Variants in PAK1 observed in about 807,000 individuals in gnomAD.
PAK1 encodes the protein p21 (RAC1) activated kinase 1.
PAK1 carries 29 observed loss-of-function variants against 67.4 expected under a neutral mutation model. The ratio of observed to expected loss-of-function variants is 0.43; its 90% CI spans 0.32 to 0.59. PAK1 has a LOEUF of 0.59. Among genes scored for constraint, PAK1 ranks in the 20% least tolerant of loss-of-function variants. PAK1 has a pLI of 0.07. For missense variants in PAK1, 337 were observed against 670.7 expected, an observed-to-expected ratio of 0.50 and a Z score of 5.50; for synonymous variants, 223 against 237.4, an observed-to-expected ratio of 0.94 and a Z score of 0.56.
chr11:77,333,358 C>G (rs564768075), intron 13 of PAK1, among the ~76,000 whole-genome samples: 2 of 151,940 alleles, frequency 1.3e-5, no homozygotes, highest in Non-Finnish European at 2.9e-5. Flanking sequence ...CCACTACACC[C>G]GACTGCTTTT....
chr11:77,396,831 A>G (rs920401000), intron 1 of PAK1, among the ~76,000 whole-genome samples: 1 of 152,138 alleles, frequency 6.6e-6, no homozygotes, highest in Non-Finnish European at 1.5e-5. Context: ...CCCTCCAACA[A>G]GCCCTTTCTT....
chr11:77,467,700 C>G (rs180989595), intron 1 of PAK1, among the ~76,000 whole-genome samples: 16 of 152,364 alleles, frequency 1.1e-4, no homozygotes, highest in African/African-American at 3.8e-4. Flanking sequence ...AAATTACAAA[C>G]TACTCTACCT....
intron 13 of PAK1, among the ~76,000 whole-genome samples, chr11:77,335,244 A>G (rs1375351412): frequency 5.3e-5 from 8 of 152,132 alleles, no homozygotes. Context: ...TACTATATAT[A>G]CCAACTATAT....
At position 77,392,532 on chromosome 11, in the gene PAK1, G is replaced by C. The variant is rs778329310; in HGVS notation, c.-12C>G. 3 of 1,578,446 alleles carry C rather than the reference G, an allele frequency of 1.9e-6. No individual in the cohort carries two copies. The highest frequency in any genetic ancestry group is 2.6e-6 in the Non-Finnish European group (3 of 1,157,064). On this transcript the variant is annotated 5_prime_UTR_variant, in exon 2 of 15. Coordinates refer to ENST00000356341, the MANE Select transcript of PAK1 (RefSeq NM_002576.5). ...CCGTTATTTGACATTGTCACCACCAGCAGCAGCTACTAGAATCAGAAATAA... is the reference window on the plus strand; with the variant it reads ...CCGTTATTTGACATTGTCACCACCACCAGCAGCTACTAGAATCAGAAATAA...
At chr11:77,516,969 G>A in the PAK1 span, among the ~76,000 whole-genome samples, 5,160 of 151,818 alleles carry the variant, frequency 0.034, 132 homozygotes, top group Non-Finnish European at 0.049. Context: ...TCATGTCACC[G>A]CAGTCTAGAG....
At chr11:77,503,364 C>T in the PAK1 span, among the ~76,000 whole-genome samples, 1 of 152,210 alleles carries the variant, frequency 6.6e-6, no homozygotes, top group Non-Finnish European at 1.5e-5. Flanking sequence ...GCCTCCCCAT[C>T]CTATGCAGCA....
At chr11:77,490,910 T>C in the PAK1 span, among the ~76,000 whole-genome samples, 1 of 152,132 alleles carries the variant, frequency 6.6e-6, no homozygotes, top group African/African-American at 2.4e-5. Context: ...TGTGCTTTGT[T>C]AAACAGATGC....
chr11:77,508,011 A>G, the PAK1 span, among the ~76,000 whole-genome samples: 2 of 151,958 alleles, frequency 1.3e-5, no homozygotes, highest in African/African-American at 4.8e-5. Context: ...CCCTCTCCCC[A>G]CCGGGATAAG....
chr11:77,495,532 T>G, the PAK1 span, among the ~76,000 whole-genome samples: 3 of 152,166 alleles, frequency 2.0e-5, no homozygotes, highest in Non-Finnish European at 4.4e-5. Context: ...GCCAGTCCAC[T>G]TCTGGATATA....
chr11:77,442,943 T>C (rs966732763), intron 1 of PAK1, among the ~76,000 whole-genome samples: 1 of 152,194 alleles, frequency 6.6e-6, no homozygotes, highest in Non-Finnish European at 1.5e-5. Context: ...GGTTTCCTTA[T>C]TGAAGATACA....
intron 1 of PAK1, among the ~76,000 whole-genome samples, chr11:77,460,234 GAGGA>G (rs1238521164): frequency 2.0e-5 from 3 of 150,690 alleles, no homozygotes; most frequent in African/African-American, 4.8e-5. Context: ...AGAAGGAAGG[GAGGA>G]AGGGAGGGAG....
intron 10 of PAK1, among the ~76,000 whole-genome samples, chr11:77,343,413 A>G (rs1228738362): frequency 1.3e-5 from 2 of 152,190 alleles, no homozygotes; most frequent in African/African-American, 4.8e-5. Flanking sequence ...TCAGATCTCA[A>G]ATGAAACATC....
At chr11:77,414,296 AACC>A (rs529078001) in intron 1 of PAK1, among the ~76,000 whole-genome samples, 66 of 152,344 alleles carry the variant, frequency 4.3e-4, no homozygotes, top group Admixed American at 1.9e-3. Context: ...CAGTGAACAG[AACC>A]ACATCTTCAA....
intron 1 of PAK1, among the ~76,000 whole-genome samples, chr11:77,419,413 G>T (rs1955140011): frequency 1.3e-5 from 2 of 152,150 alleles, no homozygotes; most frequent in Non-Finnish European, 2.9e-5. Context: ...GGCCAGCAAT[G>T]TTTTGTCTCT....
intron 10 of PAK1, 36 bp from the exon 11 acceptor site, chr11:77,340,799 T>G (rs112968282): frequency 9.0e-7 from 1 of 1,116,524 alleles, no homozygotes; most frequent in Admixed American, 1.7e-5. Context: ...GAGAGAACAA[T>G]CAGAGTACAC....
chr11:77,343,263 TAAAAA>T (rs35680227), intron 10 of PAK1, among the ~76,000 whole-genome samples: 2 of 147,726 alleles, frequency 1.4e-5, no homozygotes, highest in Admixed American at 1.3e-4. Context: ...CAAGCTTACG[TAAAAA>T]AAAAAAAAAA....
intron 2 of PAK1, among the ~76,000 whole-genome samples, chr11:77,381,178 G>GTGT (rs869219760): frequency 0.033 from 3,492 of 107,364 alleles, 43 homozygotes; most frequent in African/African-American, 0.034. Context: ...TGTGTGTGTA[G>GTGT]AGAGAGAGAG....
intron 11 of PAK1, among the ~76,000 whole-genome samples, chr11:77,338,009 A>C (rs941280234): frequency 5.3e-5 from 8 of 152,282 alleles, no homozygotes; most frequent in Admixed American, 3.3e-4. Flanking sequence ...TTAAGTTATA[A>C]AAATGGTTGA....
intron 1 of PAK1, among the ~76,000 whole-genome samples, chr11:77,433,561 T>C (rs1252967489): frequency 6.6e-6 from 1 of 152,030 alleles, no homozygotes; most frequent in Non-Finnish European, 1.5e-5. Context: ...AGGCGGATCA[T>C]GAGGTCAGGA....
Sources: allele counts gnomAD v4.1 joint callset (sites outside exome capture counted in the v4.1 genomes callset), GRCh38; gene constraint gnomAD v4.1.1; transcripts MANE v1.5; gene names NCBI Gene and HGNC (gene_info 2026-07-23, HGNC 2026-07-21).